TENM1: variants seen among roughly 807,000 people sequenced by gnomAD.
TENM1 encodes teneurin transmembrane protein 1.
A neutral mutation model predicts 174.8 loss-of-function variants in TENM1; 35 were observed. That is an observed-to-expected ratio of 0.20 (90% CI 0.15 to 0.27). The LOEUF is 0.27. Among genes scored for constraint, TENM1 ranks in the 10% least tolerant of loss-of-function variants. The probability of loss-of-function intolerance (pLI) is 1.00; values close to 1 mark genes in which losing one functional copy is unlikely to be tolerated. For missense variants in TENM1, 1,633 were observed against 2,130.1 expected (o/e 0.77, Z 4.59); for synonymous variants, 781 against 798.7 (o/e 0.98, Z 0.37).
intron 3 of TENM1, among the ~76,000 whole-genome samples, chrX:124,862,039 C>T (rs1026660326): frequency 6.3e-5 from 7 of 111,736 alleles, no homozygotes; most frequent in South Asian, 7.4e-4. Flanking sequence ...TAAACTGAAA[C>T]GGAACAAATC....
the TENM1 span, among the ~76,000 whole-genome samples, chrX:125,203,167 C>T: frequency 8.9e-6 from 1 of 112,814 alleles, no homozygotes; most frequent in Non-Finnish European, 1.9e-5. Context: ...CTGCAGTTCC[C>T]CCGGGAACCC....
At chrX:124,575,998 CTTATCATTTGACCCA>C (rs2148199628) in intron 11 of TENM1, among the ~76,000 whole-genome samples, 1 of 111,972 alleles carries the variant, frequency 8.9e-6, no homozygotes, top group African/African-American at 3.2e-5. Context: ...TAGACATTTG[CTTATCATTTGACCCA>C]TTAGGTACCA....
rs779751973 is a variant in TENM1 at position 124,497,222 on chromosome X, C to T, written c.3489G>A (p.Gln1163=). ...TTATGGTTGATATGACTGGGGGCTGCTGGGAAATGAACATATTTTCTCCAT... is the reference window on the plus strand; with the variant it reads ...TTATGGTTGATATGACTGGGGGCTGTTGGGAAATGAACATATTTTCTCCAT... The change falls in exon 20 of 32, where the codon CAG becomes CAA. Residue 1163 remains glutamine (Q), a synonymous_variant. Transcript: ENST00000422452. The T allele has an allele frequency of 8.3e-6, 10 of 1,206,686 alleles. No individual in the cohort carries two copies. In the African/African-American group the frequency reaches 1.8e-4, roughly 21 times the overall value.
At chrX:125,147,170 A>G in the TENM1 span, among the ~76,000 whole-genome samples, 1 of 109,263 alleles carries the variant, frequency 9.2e-6, no homozygotes, top group African/African-American at 3.3e-5. Flanking sequence ...GTGTGTATAT[A>G]TATCACATAT....
chrX:124,788,562 G>A (rs1231089674), intron 3 of TENM1, among the ~76,000 whole-genome samples: 1 of 112,550 alleles, frequency 8.9e-6, no homozygotes, highest in East Asian at 2.8e-4. Context: ...CAGGCATTGG[G>A]TAAATACAGC....
At chrX:124,993,503 A>G in the TENM1 span, among the ~76,000 whole-genome samples, 3 of 110,298 alleles carry the variant, frequency 2.7e-5, no homozygotes, top group Non-Finnish European at 5.7e-5. Context: ...TTCAAACCCT[A>G]TATGTACTGA....
chrX:124,817,176 A>T (rs762255172), intron 3 of TENM1, among the ~76,000 whole-genome samples: 1 of 111,066 alleles, frequency 9.0e-6, no homozygotes, highest in Non-Finnish European at 1.9e-5. Flanking sequence ...GCTGAGAATC[A>T]TGGTTTCCAG....
chrX:124,777,462 T>G (rs1373078150), intron 3 of TENM1, among the ~76,000 whole-genome samples: 8 of 111,939 alleles, frequency 7.1e-5, no homozygotes. Flanking sequence ...TACTGAAAAG[T>G]TAGTACTCAG....
At chrX:125,058,667 T>G in the TENM1 span, among the ~76,000 whole-genome samples, 1 of 110,310 alleles carries the variant, frequency 9.1e-6, no homozygotes, top group Admixed American at 9.8e-5. Context: ...TACAGAAAGT[T>G]TTTAAAAAAA....
chrX:125,176,966 G>T, the TENM1 span, among the ~76,000 whole-genome samples: 3 of 111,777 alleles, frequency 2.7e-5, no homozygotes, highest in African/African-American at 9.7e-5. Context: ...GTACATAAGT[G>T]CATCTTTTAT....
At chrX:124,614,138 T>A (rs2050341903) in intron 11 of TENM1, among the ~76,000 whole-genome samples, 1 of 111,727 alleles carries the variant, frequency 9.0e-6, no homozygotes, top group South Asian at 3.8e-4. Context: ...AGTCCATGTA[T>A]ATGAAGCCTC....
intron 5 of TENM1, among the ~76,000 whole-genome samples, chrX:124,694,996 A>G (rs1160646677): frequency 8.9e-6 from 1 of 112,131 alleles, no homozygotes; most frequent in Non-Finnish European, 1.9e-5. Flanking sequence ...TAGAATTAAC[A>G]CTTTGTCTCC....
the TENM1 span, among the ~76,000 whole-genome samples, chrX:125,158,538 C>T: frequency 9.1e-6 from 1 of 109,599 alleles, no homozygotes; most frequent in African/African-American, 3.3e-5. Context: ...CACATGATAT[C>T]AATCAGAAAA....
chrX:124,499,877 C>A (rs763924234), intron 19 of TENM1, among the ~76,000 whole-genome samples: 10 of 111,849 alleles, frequency 8.9e-5, no homozygotes, highest in Admixed American at 7.6e-4. Context: ...GTATATCATT[C>A]AAAAATCTTT....
intron 3 of TENM1, among the ~76,000 whole-genome samples, chrX:124,745,390 T>C (rs1569423027): frequency 5.4e-5 from 6 of 111,797 alleles, no homozygotes; most frequent in Non-Finnish European, 1.1e-4. Flanking sequence ...ATTTCACTCA[T>C]GTTTTGGCCC....
chrX:124,735,729 T>C (rs765018343), intron 4 of TENM1, among the ~76,000 whole-genome samples: 4 of 111,930 alleles, frequency 3.6e-5, no homozygotes, highest in Admixed American at 9.5e-5. Flanking sequence ...ATGTGGTATA[T>C]ATACACCATA....
At chrX:124,971,485 A>G in the TENM1 span, among the ~76,000 whole-genome samples, 16 of 111,516 alleles carry the variant, frequency 1.4e-4, no homozygotes, top group African/African-American at 4.9e-4. Context: ...GGCTGGGTAG[A>G]GTGAAGGCAC....
intron 18 of TENM1, among the ~76,000 whole-genome samples, chrX:124,513,324 C>G (rs912837666): frequency 1.8e-5 from 2 of 111,383 alleles, no homozygotes; most frequent in Non-Finnish European, 3.8e-5. Context: ...TAGTTATATC[C>G]TCATGTAACT....
At chrX:124,788,544 T>C (rs2055097509) in intron 3 of TENM1, among the ~76,000 whole-genome samples, 1 of 112,496 alleles carries the variant, frequency 8.9e-6, no homozygotes, top group Admixed American at 9.4e-5. Flanking sequence ...GTAGATACAA[T>C]GGGGATACAG....
Sources: gnomAD v4.1 joint callset for allele counts (sites outside exome capture counted in the v4.1 genomes callset) on GRCh38, gnomAD v4.1.1 for gene constraint, MANE v1.5 for transcripts, NCBI Gene and HGNC (gene_info 2026-07-23, HGNC 2026-07-21) for gene names.